Variants in SLC4A8 observed in about 807,000 individuals in gnomAD.
The protein encoded by SLC4A8 is solute carrier family 4 member 8.
A neutral mutation model predicts 125.0 loss-of-function variants in SLC4A8; 40 were observed. That is an observed-to-expected ratio of 0.32 (90% CI 0.25 to 0.42). The LOEUF (loss-of-function observed/expected upper bound fraction) is 0.42. Ranked by LOEUF, SLC4A8 falls within the 10% of genes least tolerant of loss-of-function variation. The pLI, the probability that SLC4A8 is intolerant of heterozygous loss-of-function variation, is 1.00. For missense variants in SLC4A8, 863 were observed against 1,355.1 expected, an observed-to-expected ratio of 0.64 and a Z score of 5.70; for synonymous variants, 456 against 476.0, an observed-to-expected ratio of 0.96 and a Z score of 0.55.
chr12:51,481,735 G>A lies in SLC4A8; in HGVS notation c.2173-4052G>A, dbSNP rs1442098243. Among the ~76,000 whole-genome samples, 3 of 151,930 alleles carry A rather than the reference G, an allele frequency of 2.0e-5. No homozygotes were observed. In the East Asian group the frequency reaches 5.8e-4, roughly 29 times the overall value. ...AGGCGGGCAGATCGCTTGAGCCCAG[G>A]AATTTGAGACCAGCCTGGGCAACAT... is the stretch of plus-strand genomic sequence containing the variant. On this transcript the variant is annotated intron_variant, in intron 16 of 24. Coordinates refer to ENST00000453097, the MANE Select transcript of SLC4A8 (RefSeq NM_001039960.3).
Position 51,493,381 on chromosome 12 carries a change from C to T in SLC4A8, c.2701-323C>T, listed in dbSNP as rs148512561. On this transcript the variant is annotated intron_variant, in intron 19 of 24. Transcript: ENST00000453097. ...GCATTATTTCTATAAGAGAGGGGTG[C>T]GTTTGTGTGTGTGTGTGTGTGTGTT... Among the ~76,000 whole-genome samples the T allele has an allele frequency of 2.4e-3, 358 of 151,136 alleles. 2 individuals carry two copies. The highest frequency in any genetic ancestry group is 8.3e-3 in the African/African-American group (341 of 41,054).
intron 16 of SLC4A8, chr12:51,479,945 A>T: frequency 4.9e-6 from 2 of 408,324 alleles, no homozygotes; most frequent in Non-Finnish European, 9.5e-6. Flanking sequence ...CTGTTTCTAC[A>T]AGGCCAAGTT....
At chr12:51,429,758 C>T (rs1401921839) in intron 1 of SLC4A8, among the ~76,000 whole-genome samples, 1 of 151,872 alleles carries the variant, frequency 6.6e-6, no homozygotes, top group African/African-American at 2.4e-5. Context: ...ATCCTCACCC[C>T]TCGGCCTCCT....
chr12:51,458,559 G>A lies in SLC4A8; in HGVS notation c.764G>A (p.Gly255Asp), dbSNP rs747488820. Residue 255 changes from glycine to aspartate, a missense_variant and splice_region_variant, in exon 7 of 25, where the codon GGT becomes GAT. By Grantham distance (94) the Gly-to-Asp change is moderately conservative. Around this residue, in one of 6 missense-constraint regions of SLC4A8, gnomAD observed 390 missense variants for 634.4 expected, o/e 0.61. Transcript: ENST00000453097. ...QSDPHLMDKH[G>D]QTVSPQSVPT... ...ATTTTGTTTTATTTTCTCCAAATAG[G>A]TCAAACCGTGTCTCCTCAGTCTGTT... is the stretch of plus-strand genomic sequence containing the variant. 2 of 1,610,956 alleles carry A rather than the reference G, an allele frequency of 1.2e-6. No homozygotes were observed. Among genetic ancestry groups the A allele is most frequent in the African/African-American group, 1.3e-5 (1 of 74,838 alleles).
At chr12:51,403,155 T>C (rs979332099) in intron 1 of SLC4A8, 1 of 217,672 alleles carries the variant, frequency 4.6e-6, no homozygotes, top group African/African-American at 2.4e-5. Flanking sequence ...ACATAATAAA[T>C]GCTCTATGTT....
At chr12:51,424,056 AAAAAAACAAC>A (rs1428302790), upstream of SLC4A8, among the ~76,000 whole-genome samples, 125 of 58,782 alleles carry the variant, frequency 2.1e-3, 6 homozygotes, top group Middle Eastern at 8.8e-3. Context: ...AAAAAAAACA[AAAAAAACAAC>A]AAAAAAAAAA....
chr12:51,430,146 A>G (rs1005939246), intron 1 of SLC4A8, among the ~76,000 whole-genome samples: 2 of 152,128 alleles, frequency 1.3e-5, no homozygotes, highest in Non-Finnish European at 2.9e-5. Context: ...ATTTTGCAGA[A>G]ATCTTCACAA....
chr12:51,484,054 C>T (rs982255148), intron 16 of SLC4A8, among the ~76,000 whole-genome samples: 8 of 152,126 alleles, frequency 5.3e-5, no homozygotes, highest in Admixed American at 4.6e-4. Context: ...CATGTCCCTA[C>T]AAAGGACATG....
At position 51,458,795 on chromosome 12, in the gene SLC4A8, C is replaced by G. The variant is rs1053134493; in HGVS notation, c.855+145C>G. ...AGCCCTTTCTGCATAAAAGGGGGCCCATCTCTGCATGTCTTTTCCCTTCTC... is the reference window on the plus strand; with the variant it reads ...AGCCCTTTCTGCATAAAAGGGGGCCGATCTCTGCATGTCTTTTCCCTTCTC... On this transcript the variant is annotated intron_variant, in intron 7 of 24. Coordinates refer to ENST00000453097, the MANE Select transcript of SLC4A8 (RefSeq NM_001039960.3). 15 of 603,720 alleles carry G rather than the reference C, an allele frequency of 2.5e-5. No homozygotes were observed. In the African/African-American group the frequency reaches 2.8e-4, roughly 11 times the overall value. The allele number at this position is 603,720 out of a possible 1,614,324, so 37.4% of individuals were successfully genotyped here. A position where few individuals can be genotyped will look rare whatever the true frequency, so the allele number is the denominator to read the frequency against.
chr12:51,495,670 C>T (rs996654022), intron 21 of SLC4A8, among the ~76,000 whole-genome samples: 3 of 151,404 alleles, frequency 2.0e-5, no homozygotes, highest in Admixed American at 1.3e-4. Context: ...TTAGTAGAGA[C>T]GGGGTTTCAC....
intron 5 of SLC4A8, among the ~76,000 whole-genome samples, chr12:51,456,497 T>C (rs556332718): frequency 5.9e-5 from 9 of 152,302 alleles, no homozygotes; most frequent in African/African-American, 1.9e-4. Flanking sequence ...GTTCATAATA[T>C]TTTAGGGATA....
chr12:51,441,194 C>T (rs1257184964), intron 2 of SLC4A8: 6 of 983,382 alleles, frequency 6.1e-6, no homozygotes, highest in Middle Eastern at 1.0e-3. Flanking sequence ...GGCTACAAAA[C>T]CCTATTTTTA....
chr12:51,480,710 A>G, intron 16 of SLC4A8: 2 of 721,314 alleles, frequency 2.8e-6, no homozygotes, highest in Non-Finnish European at 3.4e-6. Context: ...AAAGGAAAAA[A>G]ATTTACAGAA....
At chr12:51,472,041 A>G (rs980373407) in intron 14 of SLC4A8, among the ~76,000 whole-genome samples, 1 of 152,230 alleles carries the variant, frequency 6.6e-6, no homozygotes, top group African/African-American at 2.4e-5. Flanking sequence ...CTGTATCATA[A>G]AGATCCAGGA....
At chr12:51,482,613 C>T (rs187154030) in intron 16 of SLC4A8, among the ~76,000 whole-genome samples, 64 of 152,290 alleles carry the variant, frequency 4.2e-4, no homozygotes, top group Non-Finnish European at 6.6e-4. Flanking sequence ...TTCCTGACCT[C>T]AAGTGATCCA....
In SLC4A8 at chr12:51,463,595, T is replaced by G; in HGVS notation, c.1249-19T>G. On this transcript the variant is annotated intron_variant, in intron 10 of 24. Coordinates refer to ENST00000453097, the MANE Select transcript of SLC4A8 (RefSeq NM_001039960.3). Reference sequence around the variant, plus strand: ...AGATAGATGTTACCTTTACTAATTTTGTGGTCTTCTGTTAAAAGGAGAAAA... The same window carrying G: ...AGATAGATGTTACCTTTACTAATTTGGTGGTCTTCTGTTAAAAGGAGAAAA... 1 of 1,564,652 alleles carries G rather than the reference T, an allele frequency of 6.4e-7. No individual in the cohort carries two copies. Among genetic ancestry groups the G allele is most frequent in the Non-Finnish European group, 8.8e-7 (1 of 1,134,938 alleles).
chr12:51,446,694 T>G (rs1335743186), intron 2 of SLC4A8, among the ~76,000 whole-genome samples: 1 of 152,226 alleles, frequency 6.6e-6, no homozygotes, highest in Non-Finnish European at 1.5e-5. Context: ...CTAAACACAT[T>G]CACTTTGGTT....
chr12:51,451,639 T>C (rs1276450474), intron 3 of SLC4A8, among the ~76,000 whole-genome samples: 2 of 152,126 alleles, frequency 1.3e-5, no homozygotes, highest in Admixed American at 1.3e-4. Flanking sequence ...AGACAAACTT[T>C]AGGTGTAAGA....
upstream of SLC4A8, among the ~76,000 whole-genome samples, chr12:51,424,088 CA>C (rs1372578078): frequency 5.6e-5 from 8 of 141,922 alleles, no homozygotes; most frequent in East Asian, 1.6e-3. Context: ...AAAAAAAACC[CA>C]AAAGGTACCT....
Sources: allele counts gnomAD v4.1 joint callset (sites outside exome capture counted in the v4.1 genomes callset), GRCh38; gene constraint gnomAD v4.1.1; regional missense constraint gnomAD v4.1.1; transcripts MANE v1.5; gene names NCBI Gene and HGNC (gene_info 2026-07-23, HGNC 2026-07-21).